The following UGT2B7 variants were observed in gnomAD, a reference collection of about 807,000 sequenced individuals.
UGT2B7 encodes UDP-glucuronosyltransferase 2B7.
UGT2B7 carries 51 observed loss-of-function variants against 51.9 expected under a neutral mutation model. The ratio of observed to expected loss-of-function variants is 0.98; its 90% CI spans 0.78 to 1.24. The LOEUF (loss-of-function observed/expected upper bound fraction) is 1.24, where lower values mean the gene tolerates loss of function less well. Among genes scored for constraint, UGT2B7 ranks in the 50% most tolerant of loss-of-function variants. The probability of loss-of-function intolerance (pLI) is 0.00; values close to 1 mark genes in which losing one functional copy is unlikely to be tolerated. For synonymous variants in UGT2B7, 225 were observed against 211.6 expected, an observed-to-expected ratio of 1.06 and a Z score of -0.55; for missense variants, 727 against 628.4, an observed-to-expected ratio of 1.16 and a Z score of -1.68.
At chr4:69,106,860 T>C (rs1719615374) in intron 3 of UGT2B7, among the ~76,000 whole-genome samples, 1 of 95,186 alleles carries the variant, frequency 1.1e-5, no homozygotes, top group African/African-American at 4.0e-5. Flanking sequence ...AGCTTTTTTC[T>C]TTTTTTTTTT....
chr4:69,101,224 A>G (rs1167609379), intron 2 of UGT2B7, among the ~76,000 whole-genome samples: 2 of 152,122 alleles, frequency 1.3e-5, no homozygotes, highest in Non-Finnish European at 1.5e-5. Context: ...GATTAAAATT[A>G]TCTAAATAAG....
intron 1 of UGT2B7, among the ~76,000 whole-genome samples, chr4:69,074,259 T>A (rs1177826375): frequency 6.6e-6 from 1 of 151,908 alleles, no homozygotes; most frequent in African/African-American, 2.4e-5. Flanking sequence ...GAGAATCACT[T>A]GAGCTTCAGA....
intron 1 of UGT2B7, among the ~76,000 whole-genome samples, chr4:69,054,520 T>G (rs962318089): frequency 6.6e-6 from 1 of 152,044 alleles, no homozygotes; most frequent in Non-Finnish European, 1.5e-5. Context: ...ACATAACCAT[T>G]GAAGTTTGCA....
At chr4:69,061,028 A>G (rs540293599) in intron 1 of UGT2B7, among the ~76,000 whole-genome samples, 1 of 152,238 alleles carries the variant, frequency 6.6e-6, no homozygotes, top group Non-Finnish European at 1.5e-5. Context: ...TATTTTACTG[A>G]TGGGAGCAGC....
intron 3 of UGT2B7, among the ~76,000 whole-genome samples, chr4:69,103,443 A>G (rs1229168676): frequency 6.6e-6 from 1 of 152,178 alleles, no homozygotes; most frequent in Non-Finnish European, 1.5e-5. Context: ...AGTACTCCAT[A>G]TGTATTCACA....
At position 69,097,065 on chromosome 4, in the gene UGT2B7, A is replaced by T; in HGVS notation, c.545A>T (p.Lys182Met). The T allele has an allele frequency of 6.2e-7, 1 of 1,613,742 alleles. No individual in the cohort carries two copies. Among genetic ancestry groups the T allele is most frequent in the Non-Finnish European group, 8.5e-7 (1 of 1,179,766 alleles). Reference sequence around the variant, plus strand: ...TTCTCTCCTGGCTACACTTTTGAAAAGCATAGTGGAGGATTTATTTTCCCT... The same window carrying T: ...TTCTCTCCTGGCTACACTTTTGAAATGCATAGTGGAGGATTTATTTTCCCT... ...LSFSPGYTFE[K>M]HSGGFIFPPS... The change falls in exon 1 of 6, where the codon AAG becomes ATG. Residue 182 changes from lysine (K) to methionine (M), a missense_variant. Coordinates refer to ENST00000305231, the MANE Select transcript of UGT2B7 (RefSeq NM_001074.4).
chr4:69,076,973 G>T (rs977864098), intron 1 of UGT2B7, among the ~76,000 whole-genome samples: 2 of 152,146 alleles, frequency 1.3e-5, no homozygotes, highest in African/African-American at 2.4e-5. Flanking sequence ...GTGTAAGGAA[G>T]GGTTCCAGTT....
chr4:69,075,566 C>T (rs540543056), intron 1 of UGT2B7, among the ~76,000 whole-genome samples: 1 of 152,064 alleles, frequency 6.6e-6, no homozygotes, highest in Non-Finnish European at 1.5e-5. Flanking sequence ...ACATCAATCA[C>T]CAAGTATGTA....
intron 1 of UGT2B7, chr4:69,069,953 A>G (rs1718565476): frequency 6.6e-6 from 1 of 152,102 alleles, no homozygotes; most frequent in Non-Finnish European, 1.5e-5. Flanking sequence ...TGTCACCACT[A>G]TGTATCAAGG....
intron 1 of UGT2B7, among the ~76,000 whole-genome samples, chr4:69,054,577 A>C (rs948226927): frequency 2.0e-5 from 3 of 152,094 alleles, no homozygotes; most frequent in African/African-American, 7.2e-5. Flanking sequence ...GAGCCTAGTT[A>C]AACATAACTG....
At chr4:69,086,002 AT>A (rs1177454951) in intron 1 of UGT2B7, among the ~76,000 whole-genome samples, 2 of 151,206 alleles carry the variant, frequency 1.3e-5, no homozygotes, top group Admixed American at 6.6e-5. Context: ...AAAAATCTCT[AT>A]TTTTTCTCTA....
chr4:69,109,945 T>C (rs1719724670), intron 5 of UGT2B7, among the ~76,000 whole-genome samples: 1 of 151,680 alleles, frequency 6.6e-6, no homozygotes, highest in South Asian at 2.1e-4. Flanking sequence ...TAGGAAATAA[T>C]TGAAAAAGAA....
intron 1 of UGT2B7, among the ~76,000 whole-genome samples, chr4:69,079,397 A>G (rs58965335): frequency 0.15 from 22,261 of 152,176 alleles, 1,949 homozygotes; most frequent in Admixed American, 0.27. Flanking sequence ...CAGGAGTTAA[A>G]GGGTCCAGCT....
chr4:69,088,745 T>C (rs372281928), intron 1 of UGT2B7, among the ~76,000 whole-genome samples: 57 of 152,228 alleles, frequency 3.7e-4, no homozygotes, highest in African/African-American at 1.3e-3. Flanking sequence ...GTACTTCCAC[T>C]CTTGTTTCCA....
intron 1 of UGT2B7, among the ~76,000 whole-genome samples, chr4:69,087,052 GTCTC>G (rs926501429): frequency 1.8e-4 from 27 of 148,946 alleles, no homozygotes; most frequent in African/African-American, 5.7e-4. Flanking sequence ...CTCTCGCTCT[GTCTC>G]TCTTTCTCTC....
At chr4:69,054,121 C>G (rs1718117210) in intron 1 of UGT2B7, among the ~76,000 whole-genome samples, 1 of 151,680 alleles carries the variant, frequency 6.6e-6, no homozygotes, top group Non-Finnish European at 1.5e-5. Context: ...CTATTACAAC[C>G]AACAGCAAAG....
At chr4:69,103,366 T>C (rs1023021566) in intron 3 of UGT2B7, among the ~76,000 whole-genome samples, 1 of 152,062 alleles carries the variant, frequency 6.6e-6, no homozygotes, top group African/African-American at 2.4e-5. Flanking sequence ...AGGGGTTGCA[T>C]GTGGCCCTGG....
Position 69,096,948 on chromosome 4 carries a change from C to T in UGT2B7, c.428C>T (p.Ser143Leu), listed in dbSNP as rs749742372. 11 of 1,613,214 alleles carry T rather than the reference C, an allele frequency of 6.8e-6. No individual in the cohort carries two copies. Among genetic ancestry groups the T allele is most frequent in the Non-Finnish European group, 5.1e-6 (6 of 1,179,740 alleles). ...NKKFMKKVQE[S>L]RFDVIFADAI... ...AAATTTATGAAAAAAGTACAAGAGT[C>T]AAGATTTGACGTCATTTTTGCAGAT... Residue 143 changes from serine to leucine, a missense_variant, in exon 1 of 6, where the codon TCA (serine) becomes TTA (leucine). Transcript: ENST00000305231.
intron 1 of UGT2B7, among the ~76,000 whole-genome samples, chr4:69,069,370 A>T (rs1718551008): frequency 6.6e-6 from 1 of 151,586 alleles, no homozygotes; most frequent in East Asian, 1.9e-4. Flanking sequence ...CTCTCAATTG[A>T]TTTTTTTTAA....
Sources: allele counts gnomAD v4.1 joint callset (sites outside exome capture counted in the v4.1 genomes callset), GRCh38; gene constraint gnomAD v4.1.1; transcripts MANE v1.5; gene names NCBI Gene and HGNC (gene_info 2026-07-23, HGNC 2026-07-21).